Variants in DCAF8 observed in about 807,000 individuals in gnomAD.
The protein encoded by DCAF8 is DDB1 and CUL4 associated factor 8, also known as DDB1- and CUL4-associated factor 8.
DCAF8 carries 20 observed loss-of-function variants against 68.0 expected under a neutral mutation model. That is an observed-to-expected ratio of 0.29 (90% confidence interval 0.21 to 0.43). The LOEUF is 0.43. DCAF8 is among the 20% of genes least tolerant of loss of function. DCAF8 has a pLI of 1.00. For missense variants in DCAF8, 460 were observed against 771.0 expected (o/e 0.60, Z 4.78); for synonymous variants, 230 against 276.9 (o/e 0.83, Z 1.68).
intron 2 of DCAF8, among the ~76,000 whole-genome samples, chr1:160,250,601 A>C (rs911428993): frequency 2.0e-5 from 3 of 152,222 alleles, no homozygotes; most frequent in African/African-American, 7.2e-5. Flanking sequence ...AAAATGGTCA[A>C]TATATCATAG....
At chr1:160,255,313 T>C (rs58903753) in intron 2 of DCAF8, among the ~76,000 whole-genome samples, 2,413 of 152,318 alleles carry the variant, frequency 0.016, 63 homozygotes, top group African/African-American at 0.049. Flanking sequence ...TTACTATTAT[T>C]ATCGTAGAGA....
Position 160,218,295 on chromosome 1 carries a change from T to C in DCAF8, c.1677+29A>G, listed in dbSNP as rs546023738. The C allele has an allele frequency of 1.9e-6, 3 of 1,573,612 alleles. No homozygotes were observed. The African/African-American group carries it at 4.0e-5, about 21-fold the overall frequency. On this transcript the variant is annotated intron_variant, in intron 13 of 13. Coordinates refer to ENST00000368074, the MANE Select transcript of DCAF8 (RefSeq NM_015726.4). ...TAGCCCTCTTAAAAGGGTCACTCCCTTGGGAATTCATTTCCAACCCTAGCT... is the reference window on the plus strand; with the variant it reads ...TAGCCCTCTTAAAAGGGTCACTCCCCTGGGAATTCATTTCCAACCCTAGCT...
Position 160,219,240 on chromosome 1 carries a change from G to A in DCAF8, c.1441-272C>T, listed in dbSNP as rs1655221901. 1.2e-5 allele frequency: 4 copies of A among 332,852 alleles called. No homozygotes were observed. In the South Asian group the frequency reaches 3.5e-4, roughly 29 times the overall value. The allele number at this position is 332,852 out of a possible 1,614,324, so 20.6% of individuals were successfully genotyped here. On this transcript the variant is annotated intron_variant, in intron 11 of 13. Coordinates refer to ENST00000368074, the MANE Select transcript of DCAF8 (RefSeq NM_015726.4). Reference sequence around the variant, plus strand: ...GATATGGCCCTAGGGGTGGGTGAGTGGACTGCCCAAGCTTACTGCTGGCTT... The same window carrying A: ...GATATGGCCCTAGGGGTGGGTGAGTAGACTGCCCAAGCTTACTGCTGGCTT...
At chr1:160,226,121 GA>G (rs2101722052) in intron 7 of DCAF8, among the ~76,000 whole-genome samples, 1 of 152,268 alleles carries the variant, frequency 6.6e-6, no homozygotes, top group East Asian at 1.9e-4. Flanking sequence ...CTGTCAGTTT[GA>G]AGTGGTTTAT....
chr1:160,223,079 C>A (rs1289955820), intron 10 of DCAF8, among the ~76,000 whole-genome samples: 1 of 152,196 alleles, frequency 6.6e-6, no homozygotes, highest in African/African-American at 2.4e-5. Flanking sequence ...CTGAATCATC[C>A]CAGCTCTGCC....
chr1:160,218,396 G>T lies in DCAF8; in HGVS notation c.1605C>A (p.His535Gln), dbSNP rs1283877248. The T allele has an allele frequency of 6.2e-7, 1 of 1,614,172 alleles. No homozygotes were observed. Residue 535 changes from histidine to glutamine, a missense_variant, in exon 13 of 14, where the codon CAC becomes CAA. Physicochemically the swap from His to Gln is conservative, Grantham distance 24. This residue lies in a region of DCAF8 where 80 missense variants were observed against 115.1 expected (regional missense o/e 0.70). Transcript: ENST00000368074. ...TGTGACTATCAAACAGGTCAGTTTG[G>T]TGCAAGCTATCTTCATCCCGCTCCC... is the stretch of plus-strand genomic sequence containing the variant. ...NKRERDEDSLHQTDLFDSHML... is the reference protein window; with the variant it reads ...NKRERDEDSLQQTDLFDSHML...
intron 12 of DCAF8, 140 bp downstream of exon 12, chr1:160,218,709 G>C (rs1168115951): frequency 1.5e-6 from 2 of 1,303,038 alleles, no homozygotes; most frequent in Non-Finnish European, 2.1e-6. Flanking sequence ...TCCTACAGAG[G>C]AAATTACAGG....
chr1:160,231,269 C>T, intron 7 of DCAF8, 28 bp downstream of exon 7: 1 of 1,530,516 alleles, frequency 6.5e-7, no homozygotes, highest in Non-Finnish European at 9.1e-7. Context: ...TACAAACTGT[C>T]AAAGACACAA....
At chr1:160,261,801 A>G (rs1252610871) in intron 1 of DCAF8, 1 of 152,310 alleles carries the variant, frequency 6.6e-6, no homozygotes, top group Non-Finnish European at 1.5e-5. Context: ...GGACCGTTCT[A>G]AGATATCCTA....
chr1:160,223,019 A>G (rs940005604), intron 10 of DCAF8, among the ~76,000 whole-genome samples: 4 of 152,220 alleles, frequency 2.6e-5, no homozygotes, highest in African/African-American at 9.6e-5. Flanking sequence ...TCTCAAGTTT[A>G]TACCCTATCA....
chr1:160,250,537 A>G (rs1656544702), intron 2 of DCAF8, among the ~76,000 whole-genome samples: 1 of 152,042 alleles, frequency 6.6e-6, no homozygotes, highest in African/African-American at 2.4e-5. Context: ...GTTAAATGAC[A>G]TAATACCATT....
At chr1:160,240,407 A>G in intron 3 of DCAF8, 37 bp from the exon 4 acceptor site, 1 of 1,540,982 alleles carries the variant, frequency 6.5e-7, no homozygotes, top group Non-Finnish European at 8.7e-7. Flanking sequence ...GGAGAGGGAA[A>G]AATAAGAAAA....
intron 11 of DCAF8, chr1:160,219,266 C>T (rs971262254): frequency 1.2e-5 from 3 of 256,694 alleles, no homozygotes; most frequent in South Asian, 1.6e-4. Flanking sequence ...CTGCTGGCTT[C>T]GTAAGAAGAC....
At chr1:160,225,535 C>A in intron 8 of DCAF8, 56 bp downstream of exon 8, 2 of 1,392,540 alleles carry the variant, frequency 1.4e-6, no homozygotes, top group African/African-American at 1.4e-5. Flanking sequence ...AGTTCAGGTG[C>A]AGCCTTGGGG....
intron 7 of DCAF8, among the ~76,000 whole-genome samples, chr1:160,227,158 T>C (rs1655504398): frequency 6.6e-6 from 1 of 152,212 alleles, no homozygotes; most frequent in South Asian, 2.1e-4. Context: ...AGCTGAAGAC[T>C]GAGCTACTGG....
intron 6 of DCAF8, among the ~76,000 whole-genome samples, chr1:160,235,394 C>T (rs559110262): frequency 6.6e-6 from 1 of 152,066 alleles, no homozygotes; most frequent in African/African-American, 2.4e-5. Flanking sequence ...GCTGGGGTTA[C>T]AGGCATGAGC....
Position 160,223,985 on chromosome 1 carries a change from T to C in DCAF8, c.1309+457A>G, listed in dbSNP as rs550761860. Among the ~76,000 whole-genome samples, 3 of 152,284 alleles carry C rather than the reference T, an allele frequency of 2.0e-5. No individual in the cohort carries two copies. The South Asian group carries it at 6.2e-4, about 32-fold the overall frequency. On this transcript the variant is annotated intron_variant, in intron 10 of 13. Transcript: ENST00000368074. ...CCCCAAAGTTTGGGAACCACAGACA[T>C]GGAACAAAACAGGCCAATCTTGGGC...
Position 160,235,268 on chromosome 1 carries a change from G to C in DCAF8, c.959+1867C>G, listed in dbSNP as rs192363818. On this transcript the variant is annotated intron_variant, in intron 6 of 13. Coordinates refer to ENST00000368074, the MANE Select transcript of DCAF8 (RefSeq NM_015726.4). The stretch of plus-strand genomic sequence containing the variant: ...CCTGTCTCAGCCTCCTGAGTAGCTG[G>C]GATTATAGGCATGTGCCACCACACA... 6.0e-3 allele frequency among the ~76,000 whole-genome samples: 915 copies of C among 151,808 alleles called. 7 individuals are homozygous for C. The highest frequency in any genetic ancestry group is 9.0e-3 in the Non-Finnish European group (615 of 67,982).
rs201056171 is a variant in DCAF8 at position 160,240,302 on chromosome 1, C to T, written c.118G>A (p.Glu40Lys). ...AAACTCAGGTCTGAGGCCTCCACTTCAATGCCTGAGGATGTCTCCCTCCCC... is the reference window on the plus strand; with the variant it reads ...AAACTCAGGTCTGAGGCCTCCACTTTAATGCCTGAGGATGTCTCCCTCCCC... ...EEGRETSSGI[E>K]VEASDLSLSL... The change falls in exon 4 of 14, where the codon GAA (glutamate) becomes AAA (lysine). Residue 40 changes from glutamate to lysine, a missense_variant. Glu to Lys is a moderately conservative substitution (Grantham distance 56). Transcript: ENST00000368074. The T allele has an allele frequency of 5.6e-6, 9 of 1,613,952 alleles. No individual in the cohort carries two copies. In the Admixed American group the frequency reaches 1.0e-4, roughly 18 times the overall value.
Sources: gnomAD v4.1 joint callset for allele counts (sites outside exome capture counted in the v4.1 genomes callset) on GRCh38, gnomAD v4.1.1 for gene constraint, gnomAD v4.1.1 regional missense constraint, MANE v1.5 for transcripts, NCBI Gene and HGNC (gene_info 2026-07-23, HGNC 2026-07-21) for gene names.